Variants in NXPH1 observed in about 807,000 individuals in gnomAD.
NXPH1 encodes the protein neurexophilin-1.
NXPH1 carries 5 observed loss-of-function variants against 23.7 expected under a neutral mutation model. That is an observed-to-expected ratio of 0.21 (90% CI 0.11 to 0.44). The LOEUF (loss-of-function observed/expected upper bound fraction) is 0.44, where lower values mean the gene tolerates loss of function less well. Ranked by LOEUF, NXPH1 falls within the 20% of genes least tolerant of loss-of-function variation. NXPH1 has a pLI of 0.99. For synonymous variants in NXPH1, 144 were observed against 122.2 expected, an observed-to-expected ratio of 1.18 and a Z score of -1.18; for missense variants, 324 against 321.6, an observed-to-expected ratio of 1.01 and a Z score of -0.06.
In NXPH1 at chr7:8,626,383, A is replaced by AC. The variant is rs199676883; in HGVS notation, c.55-124624dup. On this transcript the variant is annotated intron_variant, in intron 2 of 2. Transcript: ENST00000405863. ...GGATATACTCATTGTCATGCAGTTT[A>AC]CTTTTTTTTTTTTTTTGGCAACTTC... Among the ~76,000 whole-genome samples, 176 of 147,828 alleles carry AC rather than the reference A, an allele frequency of 1.2e-3. 5 individuals are homozygous for AC. The East Asian group carries it at 0.03, about 25-fold the overall frequency.
chr7:8,728,708 A>T (rs1393768154), intron 2 of NXPH1, among the ~76,000 whole-genome samples: 1 of 152,160 alleles, frequency 6.6e-6, no homozygotes, highest in African/African-American at 2.4e-5. Context: ...CATGGTGGAT[A>T]AGCTTTTTGA....
intron 2 of NXPH1, among the ~76,000 whole-genome samples, chr7:8,542,731 A>G (rs1436137926): frequency 6.6e-6 from 1 of 151,562 alleles, no homozygotes; most frequent in Non-Finnish European, 1.5e-5. Context: ...CTTTGATTTT[A>G]GGGACAAAAA....
At chr7:8,646,299 C>T (rs575920235) in intron 2 of NXPH1, among the ~76,000 whole-genome samples, 79 of 152,084 alleles carry the variant, frequency 5.2e-4, no homozygotes, top group Non-Finnish European at 9.4e-4. Flanking sequence ...GTGGTAAATA[C>T]AAGTGCAATG....
At chr7:8,541,105 A>G (rs1431960147) in intron 2 of NXPH1, among the ~76,000 whole-genome samples, 2 of 151,946 alleles carry the variant, frequency 1.3e-5, no homozygotes, top group South Asian at 2.1e-4. Context: ...CAAACAATCA[A>G]AAGTTATCCA....
intron 2 of NXPH1, among the ~76,000 whole-genome samples, chr7:8,505,819 G>A (rs113186318): frequency 1.2e-3 from 185 of 152,194 alleles, no homozygotes; most frequent in African/African-American, 4.0e-3. Flanking sequence ...ACTCTGAGGA[G>A]CATGCAGGTG....
chr7:8,506,171 A>C (rs1011650270), intron 2 of NXPH1, among the ~76,000 whole-genome samples: 2 of 152,110 alleles, frequency 1.3e-5, no homozygotes, highest in East Asian at 3.9e-4. Context: ...TGCACAATTC[A>C]ATATTTCTAA....
intron 2 of NXPH1, among the ~76,000 whole-genome samples, chr7:8,496,857 G>A (rs1817345761): frequency 1.3e-5 from 2 of 152,008 alleles, no homozygotes; most frequent in South Asian, 4.1e-4. Flanking sequence ...AGGTAGGTAG[G>A]TAAATAAAAA....
intron 2 of NXPH1, among the ~76,000 whole-genome samples, chr7:8,565,614 GA>G (rs1818529923): frequency 6.6e-6 from 1 of 151,754 alleles, no homozygotes; most frequent in African/African-American, 2.4e-5. Flanking sequence ...GAAAAAACAT[GA>G]AACTATGTAG....
intron 2 of NXPH1, among the ~76,000 whole-genome samples, chr7:8,521,307 G>C (rs1420111968): frequency 1.3e-5 from 2 of 152,280 alleles, no homozygotes; most frequent in Middle Eastern, 3.4e-3. Flanking sequence ...CTGTGATAGA[G>C]AGTGCCGGGG....
At chr7:8,515,618 C>T (rs985730860) in intron 2 of NXPH1, among the ~76,000 whole-genome samples, 13 of 152,074 alleles carry the variant, frequency 8.5e-5, no homozygotes, top group African/African-American at 2.9e-4. Context: ...AGATTAATAA[C>T]ACAACTCATG....
chr7:8,700,484 C>A (rs1464582396), intron 2 of NXPH1, among the ~76,000 whole-genome samples: 1 of 152,062 alleles, frequency 6.6e-6, no homozygotes, highest in African/African-American at 2.4e-5. Context: ...AAATGCTTTA[C>A]CTCTTTGGCC....
chr7:8,522,004 A>T (rs1817780281), intron 2 of NXPH1, among the ~76,000 whole-genome samples: 1 of 152,192 alleles, frequency 6.6e-6, no homozygotes, highest in Non-Finnish European at 1.5e-5. Context: ...GCTACCTTGG[A>T]AAAGGGAAGA....
intron 2 of NXPH1, among the ~76,000 whole-genome samples, chr7:8,678,952 T>TTC (rs1821005174): frequency 3.8e-5 from 3 of 78,506 alleles, no homozygotes; most frequent in African/African-American, 1.2e-4. Flanking sequence ...TTTTTTTTTT[T>TTC]TTTTTTTTTT....
chr7:8,522,505 G>T (rs1431301971), intron 2 of NXPH1, among the ~76,000 whole-genome samples: 1 of 152,168 alleles, frequency 6.6e-6, no homozygotes, highest in Non-Finnish European at 1.5e-5. Context: ...ATTTTATAGA[G>T]TAGACAATTC....
intron 2 of NXPH1, among the ~76,000 whole-genome samples, chr7:8,485,224 C>T (rs111950875): frequency 0.042 from 6,466 of 152,236 alleles, 464 homozygotes; most frequent in African/African-American, 0.15. Flanking sequence ...TTCCCCTGCA[C>T]GTGCTCTCTT....
At chr7:8,439,000 G>A (rs1389968410) in intron 2 of NXPH1, among the ~76,000 whole-genome samples, 2 of 152,062 alleles carry the variant, frequency 1.3e-5, no homozygotes, top group Non-Finnish European at 2.9e-5. Context: ...GCATGGGGGT[G>A]GGAAACTAAC....
At chr7:8,479,126 T>C (rs545752794) in intron 2 of NXPH1, among the ~76,000 whole-genome samples, 1 of 152,272 alleles carries the variant, frequency 6.6e-6, no homozygotes, top group Admixed American at 6.5e-5. Context: ...ATATAGTTAC[T>C]TGTAGAACTA....
intron 2 of NXPH1, among the ~76,000 whole-genome samples, chr7:8,629,981 T>G (rs1820091711): frequency 6.6e-6 from 1 of 152,132 alleles, no homozygotes; most frequent in Non-Finnish European, 1.5e-5. Context: ...TTGATTTGGT[T>G]GTACTGTGCT....
At chr7:8,446,272 T>C (rs1485213166) in intron 2 of NXPH1, among the ~76,000 whole-genome samples, 1 of 152,204 alleles carries the variant, frequency 6.6e-6, no homozygotes. Flanking sequence ...AATCATGGGT[T>C]GTCCCTTCTT....
Sources: allele counts gnomAD v4.1 joint callset (sites outside exome capture counted in the v4.1 genomes callset), GRCh38; gene constraint gnomAD v4.1.1; transcripts MANE v1.5; gene names NCBI Gene and HGNC (gene_info 2026-07-23, HGNC 2026-07-21).